CNOT2: variants seen among roughly 807,000 people sequenced by gnomAD.
CNOT2 encodes CCR4-NOT transcription complex subunit 2, also known as CC chemokine receptor 4-negative regulator of transcription 2.
A neutral mutation model predicts 72.1 loss-of-function variants in CNOT2; 7 were observed. The ratio of observed to expected loss-of-function variants is 0.10; its 90% CI spans 0.06 to 0.18. CNOT2 has a LOEUF of 0.18. Ranked by LOEUF, CNOT2 falls within the 10% of genes least tolerant of loss-of-function variation. The probability of loss-of-function intolerance (pLI) is 1.00; values close to 1 mark genes in which losing one functional copy is unlikely to be tolerated. For synonymous variants in CNOT2, 196 were observed against 225.6 expected, an observed-to-expected ratio of 0.87 and a Z score of 1.17; for missense variants, 345 against 660.3, an observed-to-expected ratio of 0.52 and a Z score of 5.23.
chr12:70,319,744 G>A (rs1269851180), intron 4 of CNOT2, among the ~76,000 whole-genome samples: 1 of 151,054 alleles, frequency 6.6e-6, no homozygotes, highest in African/African-American at 2.4e-5. Context: ...GTGTGTATGT[G>A]CACGCCTGTT....
intron 3 of CNOT2, among the ~76,000 whole-genome samples, chr12:70,311,224 C>A (rs1876402502): frequency 6.6e-6 from 1 of 151,898 alleles, no homozygotes; most frequent in African/African-American, 2.4e-5. Context: ...TCCCATGATT[C>A]TCAAATTGGG....
chr12:70,263,413 C>T (rs1443163118), intron 1 of CNOT2, among the ~76,000 whole-genome samples: 1 of 152,150 alleles, frequency 6.6e-6, no homozygotes, highest in African/African-American at 2.4e-5. Context: ...CTCTGAATTG[C>T]ACAACCCTAT....
At position 70,317,734 on chromosome 12, in the gene CNOT2, A is replaced by G. The variant is rs1202132485; in HGVS notation, c.172-1564A>G. 7.3e-5 allele frequency among the ~76,000 whole-genome samples: 11 copies of G among 150,880 alleles called. No individual in the cohort carries two copies. In the Admixed American group the frequency reaches 7.3e-4, roughly 10 times the overall value. ...AGTTACTGATGTGTACCATTGGTCT[A>G]AAACTATAGTATAAAAAATTTTGCA... On this transcript the variant is annotated intron_variant, in intron 3 of 15. Transcript: ENST00000229195.
At chr12:70,257,429 C>T (rs981764712) in intron 1 of CNOT2, among the ~76,000 whole-genome samples, 1 of 146,542 alleles carries the variant, frequency 6.8e-6, no homozygotes, top group Non-Finnish European at 1.5e-5. Context: ...GGCACCATCT[C>T]GGCTCACTGC....
intron 15 of CNOT2, among the ~76,000 whole-genome samples, 154 bp from the exon 16 acceptor site, chr12:70,353,675 C>G (rs1033054881): frequency 1.3e-5 from 2 of 151,874 alleles, no homozygotes; most frequent in African/African-American, 4.8e-5. Flanking sequence ...TTTCTTCAAG[C>G]TGTATTTTAT....
At chr12:70,312,570 A>G (rs1167354531) in intron 3 of CNOT2, among the ~76,000 whole-genome samples, 2 of 151,956 alleles carry the variant, frequency 1.3e-5, no homozygotes, top group Non-Finnish European at 2.9e-5. Flanking sequence ...AATGTTGGCC[A>G]CCATTCTGAT....
At chr12:70,256,508 G>A (rs574437827) in intron 1 of CNOT2, among the ~76,000 whole-genome samples, 4 of 147,416 alleles carry the variant, frequency 2.7e-5, no homozygotes, top group South Asian at 4.4e-4. Flanking sequence ...GGAAGTAATA[G>A]TGTTATTTAC....
intron 1 of CNOT2, among the ~76,000 whole-genome samples, chr12:70,272,126 C>A (rs1342942333): frequency 1.3e-5 from 2 of 152,092 alleles, no homozygotes; most frequent in Admixed American, 1.3e-4. Flanking sequence ...AATGATGTTT[C>A]CATAAAATTA....
chr12:70,306,940 A>T (rs1875518571), intron 2 of CNOT2, among the ~76,000 whole-genome samples: 1 of 152,244 alleles, frequency 6.6e-6, no homozygotes, highest in Non-Finnish European at 1.5e-5. Context: ...TTCTGTAGGC[A>T]GTTGTAACAC....
chr12:70,255,999 T>G (rs1392571892), intron 1 of CNOT2, among the ~76,000 whole-genome samples: 1 of 152,216 alleles, frequency 6.6e-6, no homozygotes, highest in Non-Finnish European at 1.5e-5. Context: ...AACTCTGTTA[T>G]GTTTGCTATT....
At chr12:70,296,154 C>T (rs1872760629) in intron 2 of CNOT2, among the ~76,000 whole-genome samples, 2 of 151,940 alleles carry the variant, frequency 1.3e-5, no homozygotes, top group African/African-American at 2.4e-5. Flanking sequence ...AACACACACA[C>T]ACATACCCTC....
intron 1 of CNOT2, among the ~76,000 whole-genome samples, chr12:70,251,993 G>T (rs1250568243): frequency 6.6e-6 from 1 of 152,122 alleles, no homozygotes; most frequent in African/African-American, 2.4e-5. Flanking sequence ...TTTATGTTAT[G>T]TTACTAGAAG....
chr12:70,280,400 GA>G (rs1036943609), intron 2 of CNOT2, among the ~76,000 whole-genome samples: 93 of 152,202 alleles, frequency 6.1e-4, no homozygotes, highest in African/African-American at 2.2e-3. Flanking sequence ...AAAATAGCTA[GA>G]AGAGAGAACT....
At chr12:70,268,822 G>A (rs1032471934) in intron 1 of CNOT2, among the ~76,000 whole-genome samples, 10 of 152,138 alleles carry the variant, frequency 6.6e-5, no homozygotes, top group African/African-American at 1.9e-4. Context: ...TCATAAGTCC[G>A]TGTTTCAAGA....
At chr12:70,335,144 T>C in intron 7 of CNOT2, 2 of 205,786 alleles carry the variant, frequency 9.7e-6, no homozygotes, top group South Asian at 2.0e-4. Flanking sequence ...GCTATAATTT[T>C]AGGTTACCAT....
In CNOT2 at chr12:70,353,663, T is replaced by C. The variant is rs998616598; in HGVS notation, c.1537-166T>C. ...ATTGGTTAGAAACTACAGCACATTA[T>C]TTTTCTTCAAGCTGTATTTTATGTA... On this transcript the variant is annotated intron_variant, in intron 15 of 15. Transcript: ENST00000229195. Among the ~76,000 whole-genome samples the C allele has an allele frequency of 3.9e-5, 6 of 152,152 alleles. No homozygotes were observed. The South Asian group carries it at 1.0e-3, about 26-fold the overall frequency.
chr12:70,257,382 A>G (rs1386100672), intron 1 of CNOT2, among the ~76,000 whole-genome samples: 1 of 108,710 alleles, frequency 9.2e-6, no homozygotes, highest in Middle Eastern at 4.8e-3. Flanking sequence ...TCTTTTTGAG[A>G]CGGAGTCTCG....
chr12:70,347,635 A>G (rs1882357721), intron 15 of CNOT2: 2 of 151,812 alleles, frequency 1.3e-5, no homozygotes, highest in South Asian at 4.1e-4. Flanking sequence ...TCCGTCTCAA[A>G]AAAAAAAAAA....
chr12:70,308,584 T>TCTCA (rs550679130), intron 2 of CNOT2, among the ~76,000 whole-genome samples: 9,158 of 133,084 alleles, frequency 0.069, 395 homozygotes, highest in Admixed American at 0.14. Context: ...TCTCTCTCTC[T>TCTCA]CACACACACA....
Sources: allele counts gnomAD v4.1 joint callset (sites outside exome capture counted in the v4.1 genomes callset), GRCh38; gene constraint gnomAD v4.1.1; transcripts MANE v1.5; gene names NCBI Gene and HGNC (gene_info 2026-07-23, HGNC 2026-07-21).